Variants in CCBE1 observed in about 807,000 individuals in gnomAD.
CCBE1 encodes collagen and calcium-binding EGF domain-containing protein 1.
In CCBE1, 37 loss-of-function variants were observed where a neutral mutation model predicts 50.0. The observed-to-expected ratio is 0.74, with a 90% confidence interval of 0.57 to 0.97. The LOEUF (loss-of-function observed/expected upper bound fraction) is 0.97, where lower values mean the gene tolerates loss of function less well. Ranked by LOEUF, CCBE1 falls within the 50% of genes least tolerant of loss-of-function variation. The pLI is 0.00. For synonymous variants in CCBE1, 234 were observed against 203.7 expected, an observed-to-expected ratio of 1.15 and a Z score of -1.27; for missense variants, 538 against 523.8, an observed-to-expected ratio of 1.03 and a Z score of -0.26.
intron 2 of CCBE1, among the ~76,000 whole-genome samples, chr18:59,578,126 C>G (rs1342536936): frequency 6.6e-6 from 1 of 152,018 alleles, no homozygotes; most frequent in Non-Finnish European, 1.5e-5. Context: ...AAAACCCCAT[C>G]AAAAAGTGGG....
intron 2 of CCBE1, among the ~76,000 whole-genome samples, chr18:59,518,498 T>G (rs77855913): frequency 0.014 from 2,151 of 152,342 alleles, 53 homozygotes; most frequent in African/African-American, 0.049. Flanking sequence ...TGTTTGTTAA[T>G]GGATCTTCTC....
rs76708887 is a variant in CCBE1, at chr18:59,558,280, G to A, written c.213-78042C>T. The stretch of plus-strand genomic sequence containing the variant: ...CTAGTTAGTTGAGGTTGTTGAAAGT[G>A]TGACTTCAGAAGAACAGGACTCCTT... On this transcript the variant is annotated intron_variant, in intron 2 of 10. Coordinates refer to ENST00000439986, the MANE Select transcript of CCBE1 (RefSeq NM_133459.4). 4.0e-3 allele frequency among the ~76,000 whole-genome samples: 604 copies of A among 152,320 alleles called. 9 individuals carry two copies. Among genetic ancestry groups the A allele is most frequent in the East Asian group, 0.026 (134 of 5,182 alleles).
chr18:59,438,347 T>C, intron 9 of CCBE1, among the ~76,000 whole-genome samples: 1 of 152,202 alleles, frequency 6.6e-6, no homozygotes, highest in East Asian at 1.9e-4. Context: ...TCATTCTGAT[T>C]TCCCTCAAGC....
At chr18:59,493,956 A>G (rs672009) in intron 2 of CCBE1, among the ~76,000 whole-genome samples, 121,310 of 152,100 alleles carry the variant, frequency 0.8, 48,923 homozygotes, top group African/African-American at 0.87. Context: ...TTTGCCTGCC[A>G]CCATCCATGT....
chr18:59,578,883 G>A (rs1167744082), intron 2 of CCBE1, among the ~76,000 whole-genome samples: 1 of 152,152 alleles, frequency 6.6e-6, no homozygotes. Flanking sequence ...AACCACCATG[G>A]CACGAGTTTA....
intron 2 of CCBE1, among the ~76,000 whole-genome samples, chr18:59,505,168 G>A (rs148115110): frequency 4.8e-4 from 73 of 152,238 alleles, no homozygotes; most frequent in African/African-American, 1.6e-3. Flanking sequence ...TGGGGTGGAG[G>A]GAGGAGTGGA....
At chr18:59,540,463 C>T (rs1340954931) in intron 2 of CCBE1, among the ~76,000 whole-genome samples, 1 of 152,154 alleles carries the variant, frequency 6.6e-6, no homozygotes, top group Non-Finnish European at 1.5e-5. Flanking sequence ...TGTGGCCAAC[C>T]TTGGTATGAA....
intron 2 of CCBE1, among the ~76,000 whole-genome samples, chr18:59,608,131 A>G (rs1407827102): frequency 6.6e-6 from 1 of 152,214 alleles, no homozygotes; most frequent in Non-Finnish European, 1.5e-5. Flanking sequence ...AAAAATAATA[A>G]TAATAAATAA....
intron 2 of CCBE1, among the ~76,000 whole-genome samples, chr18:59,519,513 T>TAA (rs142010557): frequency 9.2e-5 from 14 of 151,750 alleles, no homozygotes; most frequent in Non-Finnish European, 1.8e-4. Context: ...TTTTAAAACT[T>TAA]AAAAAAAATA....
intron 2 of CCBE1, among the ~76,000 whole-genome samples, chr18:59,504,411 A>G (rs1913774264): frequency 6.9e-6 from 1 of 145,258 alleles, no homozygotes; most frequent in South Asian, 2.1e-4. Context: ...TAAAGCCCAG[A>G]TGCAATTTTC....
chr18:59,605,386 A>C (rs991799277), intron 2 of CCBE1, among the ~76,000 whole-genome samples: 3 of 152,210 alleles, frequency 2.0e-5, no homozygotes, highest in African/African-American at 7.2e-5. Flanking sequence ...GATGGTTGGA[A>C]TAAGGCATGA....
chr18:59,482,616 A>C (rs1424294402), intron 2 of CCBE1, among the ~76,000 whole-genome samples: 1 of 152,178 alleles, frequency 6.6e-6, no homozygotes, highest in Non-Finnish European at 1.5e-5. Context: ...TAAATATGAC[A>C]ACTGTAGGAA....
chr18:59,448,377 A>G (rs1040255975), intron 6 of CCBE1, among the ~76,000 whole-genome samples: 5 of 152,162 alleles, frequency 3.3e-5, no homozygotes, highest in African/African-American at 9.7e-5. Context: ...CATTATTACC[A>G]TAATTAATGG....
At chr18:59,577,250 G>A (rs532487156) in intron 2 of CCBE1, among the ~76,000 whole-genome samples, 5 of 152,358 alleles carry the variant, frequency 3.3e-5, no homozygotes, top group East Asian at 1.9e-4. Context: ...AAAAGCATTT[G>A]TGGGGTCACC....
intron 2 of CCBE1, among the ~76,000 whole-genome samples, chr18:59,484,396 T>A (rs184145476): frequency 6.6e-6 from 1 of 152,366 alleles, no homozygotes; most frequent in African/African-American, 2.4e-5. Context: ...GCATTTAAGA[T>A]ACAACCTCTG....
At chr18:59,597,696 G>A (rs1294058146) in intron 2 of CCBE1, among the ~76,000 whole-genome samples, 47 of 152,174 alleles carry the variant, frequency 3.1e-4, no homozygotes, top group Non-Finnish European at 8.8e-5. Context: ...AGCATCACCA[G>A]GACTTCATGT....
At chr18:59,694,172 G>C (rs942129121) in intron 2 of CCBE1, among the ~76,000 whole-genome samples, 2 of 151,994 alleles carry the variant, frequency 1.3e-5, no homozygotes, top group Non-Finnish European at 2.9e-5. Flanking sequence ...ACCCGGCCTA[G>C]TAACTTTTTT....
intron 2 of CCBE1, among the ~76,000 whole-genome samples, chr18:59,677,680 T>C (rs1012771821): frequency 3.4e-5 from 5 of 148,536 alleles, no homozygotes; most frequent in Non-Finnish European, 3.0e-5. Flanking sequence ...GTTGAGTCTT[T>C]TTAAAAGATT....
chr18:59,667,423 G>C (rs1418384837), intron 2 of CCBE1, among the ~76,000 whole-genome samples: 1 of 152,168 alleles, frequency 6.6e-6, no homozygotes, highest in Admixed American at 6.5e-5. Context: ...TGTGCACAGG[G>C]GTAAGAATGC....
Sources: allele counts gnomAD v4.1 joint callset (sites outside exome capture counted in the v4.1 genomes callset), GRCh38; gene constraint gnomAD v4.1.1; transcripts MANE v1.5; gene names NCBI Gene and HGNC (gene_info 2026-07-23, HGNC 2026-07-21).